ABTB2: variants seen among roughly 807,000 people sequenced by gnomAD.
ABTB2 encodes the protein ankyrin repeat and BTB domain containing 2, also known as ankyrin repeat and BTB/POZ domain-containing protein 2.
ABTB2 carries 56 observed loss-of-function variants against 104.1 expected under a neutral mutation model. The observed-to-expected ratio is 0.54, with a 90% CI of 0.43 to 0.67. The LOEUF is 0.67. ABTB2 is among the 30% of genes least tolerant of loss of function. ABTB2 has a pLI of 0.00. For missense variants in ABTB2, 1,279 were observed against 1,407.7 expected (o/e 0.91, Z 1.46); for synonymous variants, 606 against 608.2 (o/e 1.00, Z 0.05).
At chr11:34,335,554 G>C in intron 1 of ABTB2, 1 of 1,377,738 alleles carries the variant, frequency 7.3e-7, no homozygotes. Flanking sequence ...GGACACGTTT[G>C]TATTGCACAC....
Position 34,252,499 on chromosome 11 carries a change from A to C in ABTB2, c.884-47809T>G, listed in dbSNP as rs183677744. On this transcript the variant is annotated intron_variant, in intron 1 of 16. Coordinates refer to ENST00000435224, the MANE Select transcript of ABTB2 (RefSeq NM_145804.3). This position sits in a 1 kb window ranked among gnomAD's most constrained non-coding sequence, Gnocchi z 5.5. ...CGCTGGGCATGACCCTAAGAGAAAG[A>C]CTAGATTCCTAACCTGTGCTAGGGC... 5.9e-5 allele frequency among the ~76,000 whole-genome samples: 9 copies of C among 152,164 alleles called. No homozygotes were observed. The South Asian group carries it at 1.9e-3, about 32-fold the overall frequency.
chr11:34,357,498 G>T lies in ABTB2; in HGVS notation c.86C>A (p.Ser29Ter). ...SGYGAGDSCRSLSLSSSKSNS... is the reference protein window; with the variant it reads ...SGYGAGDSCR Reference sequence around the variant, plus strand: ...GGACTTGGAGGACGAGAGGCTGAGCGAGCGGCACGAGTCCCCGGCCCCATA... The same window carrying T: ...GGACTTGGAGGACGAGAGGCTGAGCTAGCGGCACGAGTCCCCGGCCCCATA... The change falls in exon 1 of 17, where the codon TCG becomes TAG. Residue 29 changes from serine (S) to a stop codon, truncating the protein, a stop_gained. Transcript: ENST00000435224. LOFTEE classifies it high-confidence loss of function. The T allele has an allele frequency of 6.5e-7, 1 of 1,542,594 alleles. No homozygotes were observed. Among genetic ancestry groups the T allele is most frequent in the Non-Finnish European group, 8.7e-7 (1 of 1,146,806 alleles).
intron 9 of ABTB2, among the ~76,000 whole-genome samples, 178 bp from the exon 10 acceptor site, chr11:34,162,983 T>C (rs970061125): frequency 1.1e-4 from 17 of 152,154 alleles, no homozygotes; most frequent in African/African-American, 2.7e-4. Context: ...AATCCCCATA[T>C]ACCTCTGAGA....
intron 1 of ABTB2, among the ~76,000 whole-genome samples, chr11:34,316,068 T>G (rs919841964): frequency 6.6e-6 from 1 of 152,266 alleles, no homozygotes; most frequent in Non-Finnish European, 1.5e-5. Context: ...TGGGATCAAG[T>G]GGCCAGGGTT....
In ABTB2 at chr11:34,162,816, A is replaced by C; in HGVS notation, c.1989-11T>G. ...TTCCTCAGGACGTTCCTGCAGGCCC[A>C]GGGATGAATGAAGGTGAGGGCTGAA... is the stretch of plus-strand genomic sequence containing the variant. On this transcript the variant is annotated splice_polypyrimidine_tract_variant and intron_variant, in intron 9 of 16. Coordinates refer to ENST00000435224, the MANE Select transcript of ABTB2 (RefSeq NM_145804.3). The C allele has an allele frequency of 1.3e-6, 2 of 1,593,196 alleles. No individual in the cohort carries two copies. The highest frequency in any genetic ancestry group is 1.7e-6 in the Non-Finnish European group (2 of 1,176,002).
intron 2 of ABTB2, among the ~76,000 whole-genome samples, chr11:34,197,844 C>G (rs189968370): frequency 1.3e-5 from 2 of 152,308 alleles, no homozygotes; most frequent in Admixed American, 1.3e-4. Flanking sequence ...CCCTCATGGG[C>G]CTCTCCCCAG....
chr11:34,180,874 A>C (rs532062469), intron 3 of ABTB2, among the ~76,000 whole-genome samples: 1 of 152,276 alleles, frequency 6.6e-6, no homozygotes, highest in South Asian at 2.1e-4. Context: ...CCCCTTTAAA[A>C]AATGAAAGAG....
chr11:34,235,806 G>A (rs578076186), intron 1 of ABTB2, among the ~76,000 whole-genome samples: 2 of 152,336 alleles, frequency 1.3e-5, no homozygotes, highest in South Asian at 2.1e-4. Context: ...ATTAGCTGCA[G>A]GAGGTCAGCG....
chr11:34,308,235 T>C (rs1388583611), intron 1 of ABTB2, among the ~76,000 whole-genome samples: 1 of 152,144 alleles, frequency 6.6e-6, no homozygotes, highest in Admixed American at 6.5e-5. Flanking sequence ...TTATTAGTCA[T>C]TGCTACTATA....
chr11:34,297,029 G>T (rs17257442), intron 1 of ABTB2, among the ~76,000 whole-genome samples: 5,577 of 152,314 alleles, frequency 0.037, 134 homozygotes, highest in Non-Finnish European at 0.058. Context: ...TTCAACAAGT[G>T]AGGCTTTTAT....
At chr11:34,169,926 G>T (rs957740187) in intron 5 of ABTB2, among the ~76,000 whole-genome samples, 1 of 152,152 alleles carries the variant, frequency 6.6e-6, no homozygotes, top group Non-Finnish European at 1.5e-5. Context: ...CTGGCCTCAC[G>T]GTCTGCCTGG....
At chr11:34,173,574 A>C (rs1031614394) in intron 3 of ABTB2, among the ~76,000 whole-genome samples, 10 of 152,164 alleles carry the variant, frequency 6.6e-5, no homozygotes, top group Admixed American at 6.5e-4. Flanking sequence ...TTCTGCTCAC[A>C]GAGACCCCGA....
intron 1 of ABTB2, among the ~76,000 whole-genome samples, chr11:34,326,938 G>A (rs767752745): frequency 5.3e-5 from 8 of 152,132 alleles, no homozygotes; most frequent in African/African-American, 1.9e-4. Context: ...GTATTTGGGC[G>A]TGGTGGTGGG....
intron 3 of ABTB2, among the ~76,000 whole-genome samples, chr11:34,195,667 A>C (rs2982598): frequency 4.6e-5 from 7 of 152,082 alleles, no homozygotes; most frequent in Non-Finnish European, 7.4e-5. Context: ...AGTCTCTCCA[A>C]GCCTCCACTT....
At chr11:34,297,397 C>T (rs1431185984) in intron 1 of ABTB2, among the ~76,000 whole-genome samples, 1 of 152,060 alleles carries the variant, frequency 6.6e-6, no homozygotes, top group Non-Finnish European at 1.5e-5. Flanking sequence ...AAAAACATAC[C>T]CCTACTGGAG....
intron 1 of ABTB2, among the ~76,000 whole-genome samples, chr11:34,322,963 G>A (rs1273689346): frequency 2.6e-5 from 4 of 152,228 alleles, no homozygotes; most frequent in Non-Finnish European, 5.9e-5. Context: ...AGGCTGGAGT[G>A]CAGTGGCACG....
At chr11:34,248,025 G>A (rs1041389840) in intron 1 of ABTB2, among the ~76,000 whole-genome samples, 9 of 149,638 alleles carry the variant, frequency 6.0e-5, no homozygotes, top group Non-Finnish European at 1.0e-4. Flanking sequence ...TCAGCTTATG[G>A]ATCCACTGTG....
chr11:34,152,251 G>A lies in ABTB2; in HGVS notation c.*136C>T. The A allele has an allele frequency of 3.1e-6, 3 of 965,196 alleles. No homozygotes were observed. Among genetic ancestry groups the A allele is most frequent in the Non-Finnish European group, 3.0e-6 (2 of 660,760 alleles). 59.8% of individuals were successfully genotyped at this position (965,196 alleles called of 1,614,324 possible). ...AGGAGATGAGGGTGAGCTGCCCGGT[G>A]ACAGGGGGGACATCTGGGGGAGGAG... On this transcript the variant is annotated 3_prime_UTR_variant, in exon 17 of 17. Transcript: ENST00000435224.
chr11:34,333,330 G>A (rs1855154605), intron 1 of ABTB2, among the ~76,000 whole-genome samples: 1 of 152,088 alleles, frequency 6.6e-6, no homozygotes, highest in African/African-American at 2.4e-5. Context: ...GCATGTCTGG[G>A]TAAAAATTCA....
Sources: gnomAD v4.1 joint callset for allele counts (sites outside exome capture counted in the v4.1 genomes callset) on GRCh38, gnomAD v4.1.1 for gene constraint, Gnocchi (gnomAD v3.1) non-coding constraint, MANE v1.5 for transcripts, NCBI Gene and HGNC (gene_info 2026-07-23, HGNC 2026-07-21) for gene names.